Variants in EPHA6 observed in about 807,000 individuals in gnomAD.
EPHA6 encodes EPH receptor A6.
In EPHA6, 50 loss-of-function variants were observed where a neutral mutation model predicts 112.0. The observed-to-expected ratio is 0.45, with a 90% CI of 0.36 to 0.56. The LOEUF is 0.56. EPHA6 is among the 20% of genes least tolerant of loss of function. The pLI is 0.00. For missense variants in EPHA6, 1,280 were observed against 1,417.4 expected, an observed-to-expected ratio of 0.90 and a Z score of 1.56; for synonymous variants, 529 against 490.7, an observed-to-expected ratio of 1.08 and a Z score of -1.03.
At chr3:97,239,122 T>C (rs1435305871) in intron 4 of EPHA6, among the ~76,000 whole-genome samples, 2 of 151,920 alleles carry the variant, frequency 1.3e-5, no homozygotes, top group African/African-American at 2.4e-5. Flanking sequence ...CGTTTTGCCA[T>C]ATGGAATGCA....
In EPHA6 at chr3:97,598,728, G is replaced by A. The variant is rs899009251; in HGVS notation, c.2512+5991G>A. Among the ~76,000 whole-genome samples, 160 of 150,944 alleles carry A rather than the reference G, an allele frequency of 1.1e-3. 1 individual carries two copies. The East Asian group carries it at 0.021, about 20-fold the overall frequency. On this transcript the variant is annotated intron_variant, in intron 12 of 17. Coordinates refer to ENST00000389672, the MANE Select transcript of EPHA6 (RefSeq NM_001080448.3). ...GTGAATAATGCCGCAATAAACATAC[G>A]TGTGCATGTGTCTTTATAGCAGCAT...
chr3:97,187,014 C>A (rs1251555433), intron 3 of EPHA6, among the ~76,000 whole-genome samples: 2 of 152,104 alleles, frequency 1.3e-5, no homozygotes, highest in African/African-American at 2.4e-5. Flanking sequence ...CAACACCATA[C>A]TTTTATAACC....
chr3:97,459,083 G>A (rs1444974888), intron 7 of EPHA6, among the ~76,000 whole-genome samples: 1 of 152,196 alleles, frequency 6.6e-6, no homozygotes, highest in Admixed American at 6.5e-5. Flanking sequence ...AAACTTGGCC[G>A]TGAAAGTAGG....
At chr3:97,216,594 G>A (rs186343519) in intron 3 of EPHA6, among the ~76,000 whole-genome samples, 3 of 152,206 alleles carry the variant, frequency 2.0e-5, no homozygotes, top group Non-Finnish European at 4.4e-5. Context: ...CATATAGCAA[G>A]CAGTGGAATT....
intron 11 of EPHA6, among the ~76,000 whole-genome samples, chr3:97,545,696 GTC>G (rs1324165958): frequency 2.0e-5 from 3 of 152,266 alleles, no homozygotes; most frequent in Non-Finnish European, 4.4e-5. Flanking sequence ...TTGTGTGGGA[GTC>G]TAAGTCTCTT....
chr3:97,302,860 A>C (rs577513563), intron 5 of EPHA6, among the ~76,000 whole-genome samples: 1 of 152,064 alleles, frequency 6.6e-6, no homozygotes, highest in South Asian at 2.1e-4. Flanking sequence ...TGCAGTTAGA[A>C]AAATTAAGCA....
chr3:97,305,936 A>G (rs1444764049), intron 5 of EPHA6, among the ~76,000 whole-genome samples: 1 of 151,930 alleles, frequency 6.6e-6, no homozygotes, highest in East Asian at 1.9e-4. Flanking sequence ...AATAAAGGGA[A>G]AATATTTTAA....
At chr3:97,221,091 G>A (rs147616963) in intron 3 of EPHA6, among the ~76,000 whole-genome samples, 2,434 of 151,926 alleles carry the variant, frequency 0.016, 76 homozygotes, top group African/African-American at 0.054. Flanking sequence ...CAAGGCAGGC[G>A]GATCACAAAG....
At chr3:97,427,298 C>T (rs542893874) in intron 6 of EPHA6, among the ~76,000 whole-genome samples, 4 of 152,032 alleles carry the variant, frequency 2.6e-5, no homozygotes, top group African/African-American at 9.7e-5. Flanking sequence ...TCTAAATGAC[C>T]ATTAATGGTA....
At chr3:97,527,993 G>A (rs1247932349) in intron 10 of EPHA6, among the ~76,000 whole-genome samples, 1 of 152,006 alleles carries the variant, frequency 6.6e-6, no homozygotes, top group African/African-American at 2.4e-5. Flanking sequence ...CTTAATCTTA[G>A]GACTCGCACC....
chr3:97,623,083 G>C (rs980489544), intron 13 of EPHA6, among the ~76,000 whole-genome samples: 1 of 151,628 alleles, frequency 6.6e-6, no homozygotes, highest in Admixed American at 6.6e-5. Flanking sequence ...AGTGTTTTTT[G>C]AGGCACAAAA....
chr3:96,897,834 T>A (rs535405277), intron 2 of EPHA6, among the ~76,000 whole-genome samples: 1 of 152,314 alleles, frequency 6.6e-6, no homozygotes, highest in Non-Finnish European at 1.5e-5. Flanking sequence ...TTTCAGCACA[T>A]CTTGGCCTAT....
intron 6 of EPHA6, among the ~76,000 whole-genome samples, chr3:97,424,247 T>A (rs1001751259): frequency 9.2e-5 from 14 of 152,158 alleles, no homozygotes; most frequent in African/African-American, 3.4e-4. Context: ...CATGATTAAA[T>A]TAACTCCACC....
chr3:97,391,337 G>A (rs528449218), intron 5 of EPHA6, among the ~76,000 whole-genome samples: 1 of 152,030 alleles, frequency 6.6e-6, no homozygotes, highest in South Asian at 2.1e-4. Flanking sequence ...TAATGTGTTT[G>A]TATGGCACCA....
At chr3:97,336,297 G>A (rs958261833) in intron 5 of EPHA6, among the ~76,000 whole-genome samples, 1 of 152,176 alleles carries the variant, frequency 6.6e-6, no homozygotes, top group African/African-American at 2.4e-5. Context: ...AACAAGGACA[G>A]CTTGGAGGTT....
At chr3:97,748,080 T>C (rs1363047281) in intron 17 of EPHA6, among the ~76,000 whole-genome samples, 2 of 152,066 alleles carry the variant, frequency 1.3e-5, no homozygotes, top group African/African-American at 2.4e-5. Flanking sequence ...TAAATTGCCA[T>C]TGTTTTAAGA....
intron 14 of EPHA6, among the ~76,000 whole-genome samples, chr3:97,714,274 T>C (rs947728060): frequency 1.3e-5 from 2 of 152,266 alleles, no homozygotes; most frequent in South Asian, 2.1e-4. Context: ...AGAGGTGCTT[T>C]ATGTGTACCA....
intron 5 of EPHA6, among the ~76,000 whole-genome samples, chr3:97,402,395 A>G (rs781560878): frequency 3.6e-4 from 55 of 152,040 alleles, no homozygotes; most frequent in Non-Finnish European, 6.6e-4. Flanking sequence ...TCATCATTAT[A>G]TAAATGTCTC....
At chr3:97,188,142 A>G (rs538557125) in intron 3 of EPHA6, among the ~76,000 whole-genome samples, 1 of 152,118 alleles carries the variant, frequency 6.6e-6, no homozygotes, top group Non-Finnish European at 1.5e-5. Flanking sequence ...TCCCACATGT[A>G]TTCCTGATGG....
Sources: gnomAD v4.1 joint callset for allele counts (sites outside exome capture counted in the v4.1 genomes callset) on GRCh38, gnomAD v4.1.1 for gene constraint, MANE v1.5 for transcripts, NCBI Gene and HGNC (gene_info 2026-07-23, HGNC 2026-07-21) for gene names.